Variants in MYO15B observed in about 807,000 individuals in gnomAD.
The protein encoded by MYO15B is myosin XVB pseudogene.
Under a neutral mutation model 119.3 loss-of-function variants are expected in MYO15B, and 207 were observed. That is an observed-to-expected ratio of 1.73 (90% CI 1.55 to 1.95). MYO15B has a LOEUF of 1.95. MYO15B is among the 30% of genes most tolerant of loss of function. MYO15B has a pLI of 0.00. For missense variants in MYO15B, 2,264 were observed against 1,203.1 expected, an observed-to-expected ratio of 1.88 and a Z score of -13.04; for synonymous variants, 966 against 498.9, an observed-to-expected ratio of 1.94 and a Z score of -12.48.
At chr17:75,607,046 G>T in intron 21 of MYO15B, 1 of 398,354 alleles carries the variant, frequency 2.5e-6, no homozygotes, top group Non-Finnish European at 4.4e-6. Context: ...TCCCAGGCTG[G>T]TTGGGAAGTC....
chr17:75,624,986 G>A lies in MYO15B; in HGVS notation c.8688+70G>A. ...GGCTTCCTGCCTGGGCGACCTCCAA[G>A]CCCCTCTCCCCACAAGGGTGTGGGT... On this transcript the variant is annotated intron_variant, in intron 59 of 63. Coordinates refer to ENST00000645453, the Ensembl canonical transcript of MYO15B. The A allele has an allele frequency of 5.8e-6, 4 of 685,268 alleles. No individual in the cohort carries two copies. In the South Asian group the frequency reaches 6.2e-5, roughly 11 times the overall value. 42.4% of individuals were successfully genotyped at this position (685,268 alleles called of 1,614,324 possible). A position where few individuals can be genotyped will look rare whatever the true frequency, so the allele number is the denominator to read the frequency against.
chr17:75,589,443 C>A lies in MYO15B; in HGVS notation c.1386C>A (p.Cys462Ter). ...AGCGAGGGTACGAGGGGCGGGGCTG[C>A]GGGAAAGCGGACGAGGGGCGGGGTC... The change falls in exon 1 of 64, where the codon TGC becomes TGA. Residue 462 changes from cysteine (C) to a stop codon, truncating the protein, a stop_gained. Transcript: ENST00000645453. LOFTEE classifies it high-confidence loss of function. This position sits in a 1 kb window ranked among gnomAD's most constrained non-coding sequence, Gnocchi z 4.2. 1 of 382,084 alleles carries A rather than the reference C, an allele frequency of 2.6e-6. No individual in the cohort carries two copies. The highest frequency in any genetic ancestry group is 4.9e-5 in the Admixed American group (1 of 20,466). The allele number at this position is 382,084 out of a possible 1,614,324, so 23.7% of individuals were successfully genotyped here.
At chr17:75,588,503 A>G in exon 1 of MYO15B, 1 of 398,516 alleles carries the variant, frequency 2.5e-6, no homozygotes, top group Non-Finnish European at 4.4e-6. Context: ...CTCAATGGGG[A>G]CACGTCGGGT....
At position 75,619,142 on chromosome 17, in the gene MYO15B, G is replaced by T. The variant is rs1431214629; in HGVS notation, c.6988-1G>T. 1.4e-6 allele frequency: 1 copy of T among 702,908 alleles called. No individual in the cohort carries two copies. The highest frequency in any genetic ancestry group is 2.6e-6 in the Non-Finnish European group (1 of 385,018). 43.5% of individuals were successfully genotyped at this position (702,908 alleles called of 1,614,324 possible). Reference sequence around the variant, plus strand: ...TGGTGACCACCTCGCTCTGCCCCCAGATCCTACGGGACACCTTCTCCGAGT... The same window carrying T: ...TGGTGACCACCTCGCTCTGCCCCCATATCCTACGGGACACCTTCTCCGAGT... On this transcript the variant is annotated splice_acceptor_variant, in intron 43 of 63. Transcript: ENST00000645453. LOFTEE classifies it high-confidence loss of function.
chr17:75,598,065 T>C lies in MYO15B; in HGVS notation c.3525+1166T>C, dbSNP rs185862410. On this transcript the variant is annotated intron_variant, in intron 14 of 63. Transcript: ENST00000645453. ...CTGAGGCTGGAATGTGGAGCAGGAG[T>C]TTCTGTGGAAGCTCAATATAACGTG... is the stretch of plus-strand genomic sequence containing the variant. 2.5e-3 allele frequency among the ~76,000 whole-genome samples: 372 copies of C among 150,006 alleles called. 3 individuals carry two copies. The highest frequency in any genetic ancestry group is 8.9e-3 in the African/African-American group (363 of 40,718).
Position 75,617,930 on chromosome 17 carries a change from T to C in MYO15B, c.6927+8T>C, listed in dbSNP as rs1399919327. 1 of 702,696 alleles carries C rather than the reference T, an allele frequency of 1.4e-6. No individual in the cohort carries two copies. The highest frequency in any genetic ancestry group is 2.7e-5 in the East Asian group (1 of 37,282). 43.5% of individuals were successfully genotyped at this position (702,696 alleles called of 1,614,324 possible). ...TTGTTCCTACGCAAGGAGGTGGGCA[T>C]GAGGGTGGGGCCTTGGCCTGGCCTC... is the stretch of plus-strand genomic sequence containing the variant. On this transcript the variant is annotated splice_region_variant and intron_variant, in intron 42 of 63. Transcript: ENST00000645453.
intron 9 of MYO15B, chr17:75,593,127 A>T: frequency 4.5e-6 from 1 of 221,222 alleles, no homozygotes; most frequent in Non-Finnish European, 8.6e-6. Flanking sequence ...TGGGAGGCCG[A>T]GGCAGGAGGA....
At chr17:75,605,728 T>C in intron 20 of MYO15B, 107 bp downstream of exon 20, 1 of 670,620 alleles carries the variant, frequency 1.5e-6, no homozygotes, top group Non-Finnish European at 2.7e-6. Context: ...ATCCAAGTGG[T>C]GGGAGACAGA....
exon 64 of MYO15B, chr17:75,626,414 A>G: frequency 1.4e-6 from 1 of 703,166 alleles, no homozygotes; most frequent in Non-Finnish European, 2.6e-6. Flanking sequence ...CAGGCCCAGG[A>G]GCTGCTATAC....
At chr17:75,591,043 C>T (rs1318499823) in intron 3 of MYO15B, 27 bp downstream of exon 3, 2 of 656,582 alleles carry the variant, frequency 3.0e-6, no homozygotes, top group Admixed American at 2.1e-5. Flanking sequence ...CACTGACCCT[C>T]TGCTCACCTC....
chr17:75,607,094 G>T, intron 21 of MYO15B: 1 of 396,436 alleles, frequency 2.5e-6, no homozygotes, highest in East Asian at 3.6e-5. Context: ...TCTTCCCAGA[G>T]AGTAACTCGA....
chr17:75,589,191 C>T lies in MYO15B; in HGVS notation c.1134C>T (p.Arg378=), dbSNP rs2056252381. 2.5e-6 allele frequency: 1 copy of T among 396,464 alleles called. No homozygotes were observed. Among genetic ancestry groups the T allele is most frequent in the East Asian group, 3.6e-5 (1 of 27,794 alleles). The allele number at this position is 396,464 out of a possible 1,614,324, so 24.6% of individuals were successfully genotyped here. The change falls in exon 1 of 64, where the codon CGC becomes CGT. Residue 378 remains arginine, a synonymous_variant. Transcript: ENST00000645453. This position sits in a 1 kb window ranked among gnomAD's most constrained non-coding sequence, Gnocchi z 4.2. ...TAGCGCGAGCCCTGGGCCTCCTGCG[C>T]TGGCTGCGGCGGCGGCTGCGGCTGC...
At chr17:75,610,110 G>T (rs2057925015) in intron 21 of MYO15B, 56 bp from the exon 22 acceptor site, 1 of 634,904 alleles carries the variant, frequency 1.6e-6, no homozygotes, top group Non-Finnish European at 2.9e-6. Context: ...CCAGTGCCAG[G>T]CAGGAAGCAT....
Position 75,616,163 on chromosome 17 carries a change from G to T in MYO15B, c.6109+16G>T, listed in dbSNP as rs537182436. On this transcript the variant is annotated intron_variant, in intron 37 of 63. Coordinates refer to ENST00000645453, the Ensembl canonical transcript of MYO15B. Reference sequence around the variant, plus strand: ...CAGAGGATGGGTGAGGGCACTTGGGGTGGCAGGACCGTGCAGAAACATGGC... The same window carrying T: ...CAGAGGATGGGTGAGGGCACTTGGGTTGGCAGGACCGTGCAGAAACATGGC... 29 of 566,240 alleles carry T rather than the reference G, an allele frequency of 5.1e-5. No individual in the cohort carries two copies. In the African/African-American group the frequency reaches 5.3e-4, roughly 10 times the overall value. The allele number at this position is 566,240 out of a possible 1,614,324, so 35.1% of individuals were successfully genotyped here.
At chr17:75,620,711 C>T (rs2058656885) in intron 49 of MYO15B, 75 bp downstream of exon 49, 1 of 690,682 alleles carries the variant, frequency 1.4e-6, no homozygotes, top group African/African-American at 1.8e-5. Flanking sequence ...TTTGACCACT[C>T]CCGAGGCTGC....
rs2058472186 is a variant in MYO15B at position 75,617,833 on chromosome 17, C to T, written c.6838C>T (p.Gln2280Ter). 2 of 702,812 alleles carry T rather than the reference C, an allele frequency of 2.8e-6. No homozygotes were observed. Among genetic ancestry groups the T allele is most frequent in the Non-Finnish European group, 5.2e-6 (2 of 384,990 alleles). 43.5% of individuals were successfully genotyped at this position (702,812 alleles called of 1,614,324 possible). ...AGGCTTGACACAGCCCGTGGAGGAC[C>T]AGGGGGTCTCCACCCAGCTACTCGC... Residue 2280 changes from glutamine to a stop codon, truncating the protein, a stop_gained, in exon 42 of 64, where the codon CAG (glutamine) becomes TAG (stop). Transcript: ENST00000645453. LOFTEE classifies it high-confidence loss of function.
chr17:75,601,455 C>G (rs919838845), exon 15 of MYO15B: 1 of 702,962 alleles, frequency 1.4e-6, no homozygotes, highest in African/African-American at 1.7e-5. Flanking sequence ...ACCACACCTT[C>G]CTCCAGAAGA....
chr17:75,619,651 G>C (rs572457619), intron 45 of MYO15B, 30 bp from the exon 46 acceptor site: 3 of 702,288 alleles, frequency 4.3e-6, no homozygotes, highest in Admixed American at 2.0e-5. Flanking sequence ...GGACCCAGGA[G>C]ACTGCCCGAG....
chr17:75,623,541 T>G (rs1233268366), intron 53 of MYO15B, among the ~76,000 whole-genome samples: 2 of 152,186 alleles, frequency 1.3e-5, no homozygotes, highest in African/African-American at 4.8e-5. Flanking sequence ...GGAGAATTGC[T>G]TGAACCTGGG....
Sources: gnomAD v4.1 joint callset for allele counts (sites outside exome capture counted in the v4.1 genomes callset) on GRCh38, gnomAD v4.1.1 for gene constraint, Gnocchi (gnomAD v3.1) non-coding constraint, MANE v1.5 for transcripts, NCBI Gene and HGNC (gene_info 2026-07-23, HGNC 2026-07-21) for gene names.